KIAA1614: variants seen among roughly 807,000 people sequenced by gnomAD.
KIAA1614 encodes the protein uncharacterized protein KIAA1614.
Under a neutral mutation model 88.7 loss-of-function variants are expected in KIAA1614, and 76 were observed. The observed-to-expected ratio is 0.86, with a 90% CI of 0.71 to 1.04. KIAA1614 has a LOEUF of 1.04. Among genes scored for constraint, KIAA1614 ranks in the 50% least tolerant of loss-of-function variants. KIAA1614 has a pLI of 0.00. For missense variants in KIAA1614, 1,553 were observed against 1,582.5 expected (o/e 0.98, Z 0.32); for synonymous variants, 714 against 675.5 (o/e 1.06, Z -0.88).
chr1:180,927,513 C>T (rs767942489), intron 3 of KIAA1614, among the ~76,000 whole-genome samples: 1 of 152,212 alleles, frequency 6.6e-6, no homozygotes, highest in Non-Finnish European at 1.5e-5. Context: ...CCTCATCTGT[C>T]AAGTGGAGAG....
intron 7 of KIAA1614, 43 bp downstream of exon 7, chr1:180,941,328 G>A (rs774679136): frequency 9.6e-6 from 15 of 1,564,488 alleles, no homozygotes; most frequent in Admixed American, 7.4e-5. Context: ...GCCAGTAGCG[G>A]TGCAACCACC....
At chr1:180,932,517 G>A (rs574434000) in intron 4 of KIAA1614, among the ~76,000 whole-genome samples, 12 of 152,140 alleles carry the variant, frequency 7.9e-5, no homozygotes, top group South Asian at 4.1e-4. Context: ...CTGGGCCCCT[G>A]TCCATATTGT....
rs775217655 is a variant in KIAA1614 at position 180,916,188 on chromosome 1, G to A, written c.85G>A (p.Val29Met). 68 of 1,590,996 alleles carry A rather than the reference G, an allele frequency of 4.3e-5. No individual in the cohort carries two copies. The highest frequency in any genetic ancestry group is 3.2e-4 in the Admixed American group (18 of 56,310). The change falls in exon 2 of 9, where the codon GTG becomes ATG. Residue 29 changes from valine (V) to methionine (M), a missense_variant. Transcript: ENST00000367588. ...PKTGSGTASPVEGTSAVEWSG... is the reference protein window; with the variant it reads ...PKTGSGTASPMEGTSAVEWSG... ...GACAGGGAGTGGAACAGCCAGCCCCGTGGAGGGGACCTCAGCTGTGGAGTG... is the reference window on the plus strand; with the variant it reads ...GACAGGGAGTGGAACAGCCAGCCCCATGGAGGGGACCTCAGCTGTGGAGTG...
intron 3 of KIAA1614, among the ~76,000 whole-genome samples, chr1:180,920,721 G>GC (rs1653934633): frequency 6.6e-6 from 1 of 151,682 alleles, no homozygotes; most frequent in Non-Finnish European, 1.5e-5. Flanking sequence ...GCGGGCTGGG[G>GC]GCGGGCTGGG....
At chr1:180,938,781 C>T (rs1654389822) in intron 6 of KIAA1614, 70 bp downstream of exon 6, 3 of 1,491,932 alleles carry the variant, frequency 2.0e-6, no homozygotes, top group Non-Finnish European at 2.8e-6. Context: ...GGGACAGAGA[C>T]CCCCTGGAGT....
intron 3 of KIAA1614, among the ~76,000 whole-genome samples, chr1:180,926,104 G>A (rs7531574): frequency 0.04 from 6,052 of 152,242 alleles, 386 homozygotes; most frequent in African/African-American, 0.14. Context: ...GCAAAAAGCC[G>A]TCTCTTCTTA....
chr1:180,921,648 T>C (rs1464031008), intron 3 of KIAA1614, among the ~76,000 whole-genome samples: 1 of 152,174 alleles, frequency 6.6e-6, no homozygotes, highest in Non-Finnish European at 1.5e-5. Flanking sequence ...CCCAGCCTGC[T>C]CTGTTCTCAG....
chr1:180,916,139 T>A lies in KIAA1614; in HGVS notation c.51-15T>A. The stretch of plus-strand genomic sequence containing the variant: ...TGTGCTGGGTCTTAGGAACTCTGTC[T>A]GTTTTCTCCTCCAGAGGGCCCAAGA... On this transcript the variant is annotated splice_polypyrimidine_tract_variant and intron_variant, in intron 1 of 8. Coordinates refer to ENST00000367588, the MANE Select transcript of KIAA1614 (RefSeq NM_020950.2). The A allele has an allele frequency of 6.5e-7, 1 of 1,529,320 alleles. No individual in the cohort carries two copies. Among genetic ancestry groups the A allele is most frequent in the Non-Finnish European group, 8.8e-7 (1 of 1,139,764 alleles). The allele number at this position is 1,529,320 out of a possible 1,614,324, so 94.7% of individuals were successfully genotyped here.
rs373246592 is a variant in KIAA1614 at position 180,928,580 on chromosome 1, G to A, written c.1205+7G>A. 2 of 1,610,790 alleles carry A rather than the reference G, an allele frequency of 1.2e-6. No individual in the cohort carries two copies. The highest frequency in any genetic ancestry group is 1.7e-6 in the Non-Finnish European group (2 of 1,178,614). On this transcript the variant is annotated splice_region_variant and intron_variant, in intron 4 of 8. Coordinates refer to ENST00000367588, the MANE Select transcript of KIAA1614 (RefSeq NM_020950.2). ...CCATTACCCAGGGCAGCCGGTGAGTGGGACCTGGGCCAGGCTAGCCTGGGA... is the reference window on the plus strand; with the variant it reads ...CCATTACCCAGGGCAGCCGGTGAGTAGGACCTGGGCCAGGCTAGCCTGGGA...
rs770464783 is a variant in KIAA1614, at chr1:180,916,175, A to G, written c.72A>G (p.Gly24=). Residue 24 remains glycine, a synonymous_variant, in exon 2 of 9, where the codon GGA becomes GGG. Transcript: ENST00000367588. ...CCAGAGGGCCCAAGACAGGGAGTGG[A>G]ACAGCCAGCCCCGTGGAGGGGACCT... ...GSPQGPKTGS[G]TASPVEGTSA... 11 of 1,573,440 alleles carry G rather than the reference A, an allele frequency of 7.0e-6. No individual in the cohort carries two copies. The highest frequency in any genetic ancestry group is 3.7e-5 in the Admixed American group (2 of 53,948).
intron 1 of KIAA1614, among the ~76,000 whole-genome samples, chr1:180,915,354 C>T (rs576639837): frequency 2.0e-5 from 3 of 152,260 alleles, no homozygotes; most frequent in Admixed American, 1.3e-4. Context: ...CTCATTGGCT[C>T]CCCTTGGAGA....
rs1275393655 is a variant in KIAA1614, at chr1:180,950,410, T to A, written c.*4822T>A. On this transcript the variant is annotated 3_prime_UTR_variant, in exon 9 of 9. Transcript: ENST00000367588. ...ACTCAGGGCTGCTGGGGGTGGGCGA[T>A]GAGATCCTCGAGGTGAACGGGGCCA... 4.9e-6 allele frequency: 6 copies of A among 1,221,928 alleles called. No homozygotes were observed. Among genetic ancestry groups the A allele is most frequent in the Non-Finnish European group, 6.3e-6 (6 of 951,034 alleles). The allele number at this position is 1,221,928 out of a possible 1,614,324, so 75.7% of individuals were successfully genotyped here.
intron 3 of KIAA1614, among the ~76,000 whole-genome samples, chr1:180,925,317 C>T (rs1373532596): frequency 2.0e-5 from 3 of 152,180 alleles, no homozygotes; most frequent in Non-Finnish European, 4.4e-5. Context: ...GAGCTCTATC[C>T]GTGGTCATCA....
chr1:180,917,145 GA>G (rs1653834532), intron 2 of KIAA1614, 45 bp downstream of exon 2: 1 of 1,498,036 alleles, frequency 6.7e-7, no homozygotes, highest in South Asian at 1.2e-5. Context: ...GAGCAGGAGG[GA>G]ATCCAGAGGG....
chr1:180,933,432 A>G (rs547343251), intron 4 of KIAA1614, among the ~76,000 whole-genome samples: 1 of 152,346 alleles, frequency 6.6e-6, no homozygotes, highest in Admixed American at 6.5e-5. Context: ...GAGGCTGGAT[A>G]AGAGGCCACT....
chr1:180,935,851 C>T lies in KIAA1614; in HGVS notation c.1942C>T (p.Arg648Ter). 2 of 1,613,682 alleles carry T rather than the reference C, an allele frequency of 1.2e-6. No individual in the cohort carries two copies. Among genetic ancestry groups the T allele is most frequent in the Non-Finnish European group, 1.7e-6 (2 of 1,179,888 alleles). Residue 648 changes from arginine (R) to a stop codon, truncating the protein, a stop_gained, in exon 5 of 9, where the codon CGA (arginine) becomes TGA (stop). Coordinates refer to ENST00000367588, the MANE Select transcript of KIAA1614 (RefSeq NM_020950.2). LOFTEE classifies it high-confidence loss of function. The surrounding 1 kb of genome is among the most constrained non-coding windows in gnomAD (Gnocchi z 6.1). Reference sequence around the variant, plus strand: ...GACCCAAGGCAGCAGCCCGCGACTGCGACTGCGGGGCTCCAGGCCTCGAGG... The same window carrying T: ...GACCCAAGGCAGCAGCCCGCGACTGTGACTGCGGGGCTCCAGGCCTCGAGG... ...GRTQGSSPRL[R>*]LRGSRPRGHR...
rs1431483267 is a variant in KIAA1614 at position 180,948,912 on chromosome 1, T to C, written c.*3324T>C. ...AGCCACAGACTTTCAGGTACTTCGG[T>C]GAAGATCAGTGCTCTTTCAAACCCA... On this transcript the variant is annotated 3_prime_UTR_variant, in exon 9 of 9. Coordinates refer to ENST00000367588, the MANE Select transcript of KIAA1614 (RefSeq NM_020950.2). 2 of 152,256 alleles carry C rather than the reference T, an allele frequency of 1.3e-5. No individual in the cohort carries two copies. Among genetic ancestry groups the C allele is most frequent in the Non-Finnish European group, 2.9e-5 (2 of 68,056 alleles). The allele number at this position is 152,256 out of a possible 1,614,324, so 9.4% of individuals were successfully genotyped here.
intron 3 of KIAA1614, among the ~76,000 whole-genome samples, chr1:180,920,890 G>A (rs1653938925): frequency 6.6e-6 from 1 of 152,236 alleles, no homozygotes; most frequent in Middle Eastern, 3.2e-3. Context: ...CAGTTGCAGA[G>A]GACTGGAGCC....
intron 4 of KIAA1614, among the ~76,000 whole-genome samples, chr1:180,931,986 C>T (rs12144934): frequency 0.38 from 57,413 of 151,788 alleles, 11,727 homozygotes; most frequent in South Asian, 0.52. Context: ...GCTGTTTCTC[C>T]GGATGGAGTC....
Sources: gnomAD v4.1 joint callset for allele counts (sites outside exome capture counted in the v4.1 genomes callset) on GRCh38, gnomAD v4.1.1 for gene constraint, Gnocchi (gnomAD v3.1) non-coding constraint, MANE v1.5 for transcripts, NCBI Gene and HGNC (gene_info 2026-07-23, HGNC 2026-07-21) for gene names.